Variants in TTC6 observed in about 807,000 individuals in gnomAD.
TTC6 encodes the protein tetratricopeptide repeat protein 6.
Under a neutral mutation model 210.4 loss-of-function variants are expected in TTC6, and 172 were observed. That is an observed-to-expected ratio of 0.82 (90% CI 0.72 to 0.93). TTC6 has a LOEUF of 0.93. Among genes scored for constraint, TTC6 ranks in the 40% least tolerant of loss-of-function variants. TTC6 has a pLI of 0.00. For synonymous variants in TTC6, 804 were observed against 819.6 expected, an observed-to-expected ratio of 0.98 and a Z score of 0.32; for missense variants, 2,414 against 2,318.1, an observed-to-expected ratio of 1.04 and a Z score of -0.85.
chr14:37,717,735 A>T (rs2095854972), intron 6 of TTC6, among the ~76,000 whole-genome samples: 2 of 152,138 alleles, frequency 1.3e-5, no homozygotes, highest in African/African-American at 2.4e-5. Flanking sequence ...TCTAAACTAG[A>T]CAAAGACAGT....
chr14:37,811,174 T>C (rs886783566), intron 24 of TTC6, among the ~76,000 whole-genome samples: 1 of 152,188 alleles, frequency 6.6e-6, no homozygotes, highest in Admixed American at 6.6e-5. Flanking sequence ...TATTTCCTCC[T>C]GTATTGCAGA....
intron 6 of TTC6, among the ~76,000 whole-genome samples, chr14:37,718,550 A>G (rs2138785933): frequency 7.3e-6 from 1 of 136,860 alleles, no homozygotes; most frequent in African/African-American, 2.7e-5. Flanking sequence ...TAAGGCAAGA[A>G]GTGGGAAAAA....
chr14:37,797,059 C>A (rs1168413655), intron 20 of TTC6, 112 bp downstream of exon 22: 2 of 1,012,712 alleles, frequency 2.0e-6, no homozygotes, highest in Admixed American at 7.8e-5. Flanking sequence ...TATTTATTTT[C>A]TGTGAATTAA....
chr14:37,624,086 A>T (rs143112383), intron 1 of TTC6, among the ~76,000 whole-genome samples: 127 of 152,344 alleles, frequency 8.3e-4, no homozygotes, highest in African/African-American at 2.9e-3. Context: ...CAGCCCCAGA[A>T]TACACTCTTG....
chr14:37,625,830 G>A (rs1032531710), intron 1 of TTC6, among the ~76,000 whole-genome samples: 3 of 152,160 alleles, frequency 2.0e-5, no homozygotes, highest in African/African-American at 7.2e-5. Flanking sequence ...TCCACATGCA[G>A]CACTTGGAGG....
chr14:37,823,773 A>G (rs1160164261), exon 27 of TTC6: 3 of 1,613,772 alleles, frequency 1.9e-6, no homozygotes, highest in Admixed American at 1.7e-5. Flanking sequence ...GAAGCTGTCA[A>G]TTTCTTTACT....
intron 1 of TTC6, among the ~76,000 whole-genome samples, chr14:37,678,655 C>A (rs1349532440): frequency 6.6e-6 from 1 of 152,156 alleles, no homozygotes; most frequent in East Asian, 1.9e-4. Flanking sequence ...AGGCAGAAAT[C>A]AGGTAATTGT....
chr14:37,809,426 G>A (rs1231310821), intron 24 of TTC6, among the ~76,000 whole-genome samples: 1 of 151,856 alleles, frequency 6.6e-6, no homozygotes, highest in Non-Finnish European at 1.5e-5. Context: ...CTAATTTTTT[G>A]TATTTTTAGT....
intron 14 of TTC6, among the ~76,000 whole-genome samples, chr14:37,764,825 T>C (rs2095993937): frequency 6.6e-6 from 1 of 152,052 alleles, no homozygotes; most frequent in South Asian, 2.1e-4. Flanking sequence ...TTGTTTTTCA[T>C]ATGTATATTT....
chr14:37,727,132 C>A (rs2095874614), intron 7 of TTC6, among the ~76,000 whole-genome samples: 1 of 151,772 alleles, frequency 6.6e-6, no homozygotes, highest in Non-Finnish European at 1.5e-5. Flanking sequence ...CGTGGCCAGT[C>A]AACCAGAAAA....
chr14:37,827,535 T>C (rs991748555), intron 29 of TTC6, among the ~76,000 whole-genome samples, 169 bp downstream of exon 31: 1 of 152,102 alleles, frequency 6.6e-6, no homozygotes, highest in Non-Finnish European at 1.5e-5. Context: ...ATCCATTAAA[T>C]ATTTATGCCT....
intron 1 of TTC6, among the ~76,000 whole-genome samples, chr14:37,651,426 T>TATATATA (rs1491101068): frequency 6.6e-5 from 1 of 15,132 alleles, no homozygotes; most frequent in Non-Finnish European, 1.1e-4. Flanking sequence ...TATATATATA[T>TATATATA]TTTTTTTTTT....
chr14:37,790,412 T>C (rs2096076763), intron 15 of TTC6, among the ~76,000 whole-genome samples: 1 of 152,158 alleles, frequency 6.6e-6, no homozygotes. Flanking sequence ...TCAATGTACT[T>C]ACCCCCTTTG....
chr14:37,788,572 G>T (rs904951562), intron 15 of TTC6, among the ~76,000 whole-genome samples: 2 of 152,146 alleles, frequency 1.3e-5, no homozygotes, highest in African/African-American at 4.8e-5. Flanking sequence ...TATTTCCAGT[G>T]ATTCTTGGGA....
chr14:37,806,581 C>T, intron 22 of TTC6, 71 bp downstream of exon 24: 11 of 1,362,282 alleles, frequency 8.1e-6, no homozygotes, highest in Non-Finnish European at 1.1e-5. Flanking sequence ...CTTTTATGTG[C>T]CATTGTTATT....
intron 3 of TTC6, among the ~76,000 whole-genome samples, chr14:37,687,099 G>A (rs1338197799): frequency 1.3e-5 from 2 of 152,130 alleles, no homozygotes; most frequent in Non-Finnish European, 2.9e-5. Context: ...AAATAGTCTT[G>A]CATTGCTGAC....
intron 10 of TTC6, among the ~76,000 whole-genome samples, chr14:37,743,149 G>A (rs728087): frequency 0.66 from 100,790 of 152,060 alleles, 33,960 homozygotes; most frequent in East Asian, 0.89. Flanking sequence ...AATTTACTCC[G>A]GTTCCTCCAA....
chr14:37,673,485 T>C (rs2095762469), intron 1 of TTC6, among the ~76,000 whole-genome samples: 1 of 152,154 alleles, frequency 6.6e-6, no homozygotes, highest in Non-Finnish European at 1.5e-5. Flanking sequence ...TTTTGGCCTA[T>C]GCTATTTGGG....
intron 29 of TTC6, among the ~76,000 whole-genome samples, chr14:37,831,223 A>G (rs956444815): frequency 6.6e-6 from 1 of 152,098 alleles, no homozygotes; most frequent in Non-Finnish European, 1.5e-5. Context: ...AATGTCCTCT[A>G]TGCTCACCCA....
Sources: gnomAD v4.1 joint callset for allele counts (sites outside exome capture counted in the v4.1 genomes callset) on GRCh38, gnomAD v4.1.1 for gene constraint, MANE v1.5 for transcripts, NCBI Gene and HGNC (gene_info 2026-07-23, HGNC 2026-07-21) for gene names.